CPSF4: variants seen among roughly 807,000 people sequenced by gnomAD.
The protein encoded by CPSF4 is cleavage and polyadenylation specific factor 4.
CPSF4 carries 11 observed loss-of-function variants against 37.7 expected under a neutral mutation model. That is an observed-to-expected ratio of 0.29 (90% CI 0.18 to 0.48). The LOEUF is 0.48. Among genes scored for constraint, CPSF4 ranks in the 20% least tolerant of loss-of-function variants. CPSF4 has a pLI of 0.99. For missense variants in CPSF4, 144 were observed against 359.5 expected, an observed-to-expected ratio of 0.40 and a Z score of 4.85; for synonymous variants, 132 against 135.9, an observed-to-expected ratio of 0.97 and a Z score of 0.20.
chr7:99,443,085 A>G (rs761363291), intron 1 of CPSF4: 3 of 945,672 alleles, frequency 3.2e-6, no homozygotes, highest in Non-Finnish European at 5.2e-6. Flanking sequence ...CAAGTTAACC[A>G]TAGGTGTGTT....
chr7:99,443,524 T>C (rs1348111357), intron 1 of CPSF4: 18 of 691,184 alleles, frequency 2.6e-5, no homozygotes, highest in Non-Finnish European at 5.2e-6. Context: ...TGTGCTCTTT[T>C]AATAATTGTA....
intron 7 of CPSF4, 121 bp downstream of exon 7, chr7:99,454,257 G>C: frequency 1.0e-6 from 1 of 964,024 alleles, no homozygotes. Context: ...CTGATTGTAA[G>C]CATAAAGTTA....
In CPSF4 at chr7:99,453,592, C is replaced by A. The variant is rs941259070; in HGVS notation, c.571-374C>A. On this transcript the variant is annotated intron_variant, in intron 6 of 7. Coordinates refer to ENST00000292476, the MANE Select transcript of CPSF4 (RefSeq NM_006693.4). The surrounding 1 kb of genome is among the most constrained non-coding windows in gnomAD (Gnocchi z 4.7). ...GCTCCAACTGTTTTTCTGTGACTTG[C>A]TCGCCGTGTAGGCTGCTAAACATCT... The A allele has an allele frequency of 5.9e-6, 1 of 168,630 alleles. No homozygotes were observed. The highest frequency in any genetic ancestry group is 2.4e-5 in the African/African-American group (1 of 41,874). The allele number at this position is 168,630 out of a possible 1,614,324, so 10.4% of individuals were successfully genotyped here.
At chr7:99,441,566 G>A (rs1158288808) in intron 1 of CPSF4, 2 of 455,992 alleles carry the variant, frequency 4.4e-6, no homozygotes, top group South Asian at 1.5e-5. Flanking sequence ...GTTTTGGGAA[G>A]AACTGTCACT....
rs541709199 is a variant in CPSF4 at position 99,445,127 on chromosome 7, G to A, written c.154+288G>A. On this transcript the variant is annotated intron_variant, in intron 2 of 7. Coordinates refer to ENST00000292476, the MANE Select transcript of CPSF4 (RefSeq NM_006693.4). ...AAGCCCCCAGCATTGAGACACTCAG[G>A]AACTTTCTCAATGTCACAGAGTTAA... 1.5e-4 allele frequency among the ~76,000 whole-genome samples: 23 copies of A among 152,332 alleles called. No homozygotes were observed. The South Asian group carries it at 2.7e-3, about 18-fold the overall frequency.
At chr7:99,447,542 C>G (rs990587366) in intron 2 of CPSF4, among the ~76,000 whole-genome samples, 8 of 151,090 alleles carry the variant, frequency 5.3e-5, no homozygotes, top group African/African-American at 1.9e-4. Context: ...CACCTCCCCC[C>G]TTTTAATTCC....
intron 2 of CPSF4, among the ~76,000 whole-genome samples, chr7:99,445,585 T>C (rs1366760284): frequency 1.3e-5 from 2 of 152,100 alleles, no homozygotes; most frequent in Non-Finnish European, 2.9e-5. Context: ...GGCTAATCCA[T>C]CAGAAGTATC....
chr7:99,440,674 ATTTT>A (rs1195402168), intron 1 of CPSF4, among the ~76,000 whole-genome samples: 10 of 88,078 alleles, frequency 1.1e-4, no homozygotes, highest in African/African-American at 7.8e-4. Flanking sequence ...ATATATATAT[ATTTT>A]TTTTTTTTTT....
intron 1 of CPSF4, among the ~76,000 whole-genome samples, chr7:99,444,092 C>T (rs994558557): frequency 1.3e-5 from 2 of 152,206 alleles, no homozygotes; most frequent in African/African-American, 4.8e-5. Context: ...ATCATTCCTT[C>T]CCTCTGCCTC....
intron 6 of CPSF4, 60 bp downstream of exon 6, chr7:99,452,500 G>A: frequency 6.8e-7 from 1 of 1,459,936 alleles, no homozygotes; most frequent in Non-Finnish European, 9.6e-7. Context: ...GAGAACCTCA[G>A]TGTCCCCCAG....
intron 1 of CPSF4, chr7:99,443,066 C>T (rs776304664): frequency 2.2e-5 from 23 of 1,058,940 alleles, no homozygotes; most frequent in South Asian, 2.0e-4. Flanking sequence ...CTCTTTCCTT[C>T]GGCTTATCCA....
chr7:99,439,125 T>G lies in CPSF4; in HGVS notation c.43T>G (p.Leu15Val). 1.9e-6 allele frequency: 3 copies of G among 1,611,182 alleles called. No individual in the cohort carries two copies. Among genetic ancestry groups the G allele is most frequent in the Non-Finnish European group, 2.5e-6 (3 of 1,179,388 alleles). ...CAGCGTGGACCACATCAAGTTTGACTTGGAGATCGCGGTGGAGCAGCAGCT... is the reference window on the plus strand; with the variant it reads ...CAGCGTGGACCACATCAAGTTTGACGTGGAGATCGCGGTGGAGCAGCAGCT... ...IASVDHIKFD[L>V]EIAVEQQLGA... Residue 15 changes from leucine (L) to valine (V), a missense_variant, in exon 1 of 8, where the codon TTG becomes GTG. Coordinates refer to ENST00000292476, the MANE Select transcript of CPSF4 (RefSeq NM_006693.4).
At chr7:99,456,056 C>T (rs1008997632) in intron 7 of CPSF4, among the ~76,000 whole-genome samples, 4 of 152,240 alleles carry the variant, frequency 2.6e-5, no homozygotes, top group Non-Finnish European at 4.4e-5. Context: ...GACGGGGTGG[C>T]GGAGCTCAGG....
Position 99,439,065 on chromosome 7 carries a change from G to C in CPSF4, c.-18G>C, listed in dbSNP as rs776782660. 3.3e-5 allele frequency: 53 copies of C among 1,600,354 alleles called. 1 individual carries two copies. The South Asian group carries it at 5.7e-4, about 17-fold the overall frequency. On this transcript the variant is annotated 5_prime_UTR_variant, in exon 1 of 8. Coordinates refer to ENST00000292476, the MANE Select transcript of CPSF4 (RefSeq NM_006693.4). ...GAGACCGAGGGGGAGCCGGGCCGGTGGGGCCGCCGCCGCCGCCATGCAGGA... is the reference window on the plus strand; with the variant it reads ...GAGACCGAGGGGGAGCCGGGCCGGTCGGGCCGCCGCCGCCGCCATGCAGGA...
chr7:99,438,994 G>C lies in CPSF4; in HGVS notation c.-89G>C. On this transcript the variant is annotated 5_prime_UTR_variant, in exon 1 of 8. Coordinates refer to ENST00000292476, the MANE Select transcript of CPSF4 (RefSeq NM_006693.4). ...GGCGGCGAGGCGAAGCGAAGGAGGA[G>C]TGTGTGCGGCGGGGCCGGCGGCGGG... is the stretch of plus-strand genomic sequence containing the variant. 7.2e-7 allele frequency: 1 copy of C among 1,395,974 alleles called. No homozygotes were observed. The highest frequency in any genetic ancestry group is 1.5e-5 in the African/African-American group (1 of 66,872). The allele number at this position is 1,395,974 out of a possible 1,614,324, so 86.5% of individuals were successfully genotyped here. A position where few individuals can be genotyped will look rare whatever the true frequency, so the allele number is the denominator to read the frequency against.
intron 3 of CPSF4, among the ~76,000 whole-genome samples, chr7:99,449,659 A>C (rs1797799303): frequency 6.6e-6 from 1 of 152,234 alleles, no homozygotes; most frequent in African/African-American, 2.4e-5. Flanking sequence ...GTCCAGGGAA[A>C]GAGGTAGCTG....
chr7:99,452,883 T>G (rs1199093240), intron 6 of CPSF4: 1 of 165,446 alleles, frequency 6.0e-6, no homozygotes, highest in African/African-American at 2.4e-5. Flanking sequence ...GGAGCAGGTG[T>G]GGCAGCAGAA....
intron 1 of CPSF4, among the ~76,000 whole-genome samples, chr7:99,442,671 A>C (rs1190698485): frequency 1.6e-4 from 24 of 149,592 alleles, no homozygotes; most frequent in Admixed American, 2.6e-4. Flanking sequence ...AAAAAAAAAA[A>C]AAAACAAAAA....
intron 1 of CPSF4, among the ~76,000 whole-genome samples, chr7:99,440,675 T>TATATATATATATATATATATATATATA (rs1491236759): frequency 4.0e-5 from 3 of 74,820 alleles, no homozygotes; most frequent in African/African-American, 2.1e-4. Flanking sequence ...TATATATATA[T>TATATATATATATATATATATATATATA]TTTTTTTTTT....
Sources: gnomAD v4.1 joint callset for allele counts (sites outside exome capture counted in the v4.1 genomes callset) on GRCh38, gnomAD v4.1.1 for gene constraint, Gnocchi (gnomAD v3.1) non-coding constraint, MANE v1.5 for transcripts, NCBI Gene and HGNC (gene_info 2026-07-23, HGNC 2026-07-21) for gene names.